Variants in HNF4G observed in about 807,000 individuals in gnomAD.
HNF4G encodes hepatocyte nuclear factor 4 gamma, also known as hepatocyte nuclear factor 4-gamma.
In HNF4G, 21 loss-of-function variants were observed where a neutral mutation model predicts 50.9. That is an observed-to-expected ratio of 0.41 (90% CI 0.29 to 0.59). HNF4G has a LOEUF of 0.59. Among genes scored for constraint, HNF4G ranks in the 20% least tolerant of loss-of-function variants. The pLI, the probability that HNF4G is intolerant of heterozygous loss-of-function variation, is 0.26. For synonymous variants in HNF4G, 198 were observed against 185.6 expected, an observed-to-expected ratio of 1.07 and a Z score of -0.54; for missense variants, 527 against 559.4, an observed-to-expected ratio of 0.94 and a Z score of 0.58.
chr8:75,479,306 C>T (rs894198856), intron 1 of HNF4G, among the ~76,000 whole-genome samples: 1 of 152,154 alleles, frequency 6.6e-6, no homozygotes, highest in African/African-American at 2.4e-5. Flanking sequence ...CATATGGTAC[C>T]AATCAAATCT....
intron 2 of HNF4G, among the ~76,000 whole-genome samples, chr8:75,496,201 A>G (rs185415508): frequency 2.6e-4 from 40 of 152,318 alleles, no homozygotes; most frequent in African/African-American, 8.9e-4. Flanking sequence ...TTCTGCAAGA[A>G]GAGTAAACAA....
At chr8:75,482,706 C>A (rs754584901) in intron 1 of HNF4G, among the ~76,000 whole-genome samples, 1 of 152,008 alleles carries the variant, frequency 6.6e-6, no homozygotes, top group Non-Finnish European at 1.5e-5. Context: ...CTTTCCTGAT[C>A]GCCTTTTGAT....
chr8:75,415,440 A>T (rs562168150), intron 1 of HNF4G, among the ~76,000 whole-genome samples: 2 of 152,292 alleles, frequency 1.3e-5, no homozygotes, highest in Admixed American at 6.5e-5. Context: ...ATGAGGCCTC[A>T]ATATGGAGTA....
chr8:75,459,180 G>T (rs1811788821), intron 1 of HNF4G, among the ~76,000 whole-genome samples: 1 of 152,128 alleles, frequency 6.6e-6, no homozygotes, highest in African/African-American at 2.4e-5. Context: ...CTCTCTACTA[G>T]CTAGGTAAAT....
rs558184273 is a variant in HNF4G, at chr8:75,559,643, T to A, written c.1123+606T>A. On this transcript the variant is annotated intron_variant, in intron 8 of 9. Transcript: ENST00000396423. ...CCTCTGACTTAAATTTTCAGATCCT[T>A]CCAAACATGGCAAAGAGAAACAAAT... is the stretch of plus-strand genomic sequence containing the variant. Among the ~76,000 whole-genome samples the A allele has an allele frequency of 6.1e-4, 93 of 152,218 alleles. 1 individual carries two copies. In the South Asian group the frequency reaches 0.011, roughly 18 times the overall value.
intron 1 of HNF4G, among the ~76,000 whole-genome samples, chr8:75,479,722 C>T (rs2130653573): frequency 6.6e-6 from 1 of 151,516 alleles, no homozygotes; most frequent in South Asian, 2.1e-4. Context: ...ATTTGTTAAA[C>T]TACCATGGAG....
chr8:75,543,046 A>C (rs1344385749), intron 1 of HNF4G, among the ~76,000 whole-genome samples: 1 of 152,058 alleles, frequency 6.6e-6, no homozygotes, highest in African/African-American at 2.4e-5. Flanking sequence ...GTCTCTACTA[A>C]AAATACAAAA....
intron 2 of HNF4G, among the ~76,000 whole-genome samples, chr8:75,526,408 A>G (rs1806181650): frequency 6.6e-6 from 1 of 152,124 alleles, no homozygotes; most frequent in Admixed American, 6.6e-5. Context: ...AGAGTGGTGG[A>G]AATGTTTGAG....
At chr8:75,495,370 A>G (rs1487109866) in intron 2 of HNF4G, 4 of 152,088 alleles carry the variant, frequency 2.6e-5, no homozygotes, top group African/African-American at 7.2e-5. Context: ...ATATTAAAGA[A>G]GACTTTGGAT....
chr8:75,525,361 G>A (rs1456331781), intron 2 of HNF4G, among the ~76,000 whole-genome samples: 1 of 152,112 alleles, frequency 6.6e-6, no homozygotes, highest in South Asian at 2.1e-4. Context: ...GTGGAGATGG[G>A]GTTTCACCGC....
intron 1 of HNF4G, among the ~76,000 whole-genome samples, chr8:75,489,254 C>T (rs934711614): frequency 6.6e-6 from 1 of 152,146 alleles, no homozygotes; most frequent in Non-Finnish European, 1.5e-5. Flanking sequence ...AATGTATTAG[C>T]ATCTTAGTTC....
At chr8:75,532,811 G>C (rs2130769413) in intron 2 of HNF4G, among the ~76,000 whole-genome samples, 1 of 152,104 alleles carries the variant, frequency 6.6e-6, no homozygotes, top group Admixed American at 6.5e-5. Flanking sequence ...ACAGTATCAG[G>C]GCTACACCTC....
chr8:75,479,111 T>G (rs2130652120), intron 1 of HNF4G, among the ~76,000 whole-genome samples: 2 of 152,322 alleles, frequency 1.3e-5, no homozygotes, highest in Middle Eastern at 3.4e-3. Context: ...CAGTATTATT[T>G]CCAAGGGAAC....
intron 2 of HNF4G, among the ~76,000 whole-genome samples, chr8:75,493,039 TCA>T (rs72265336): frequency 0.05 from 7,552 of 151,568 alleles, 255 homozygotes; most frequent in Non-Finnish European, 0.072. Context: ...ATATATACAC[TCA>T]CACACATAAA....
chr8:75,482,788 C>T (rs1812411429), intron 1 of HNF4G, among the ~76,000 whole-genome samples: 1 of 152,114 alleles, frequency 6.6e-6, no homozygotes, highest in Non-Finnish European at 1.5e-5. Context: ...CTTGCTTTTT[C>T]TTTATTAAGA....
intron 1 of HNF4G, among the ~76,000 whole-genome samples, chr8:75,481,951 G>GA: frequency 6.6e-6 from 1 of 152,228 alleles, no homozygotes; most frequent in South Asian, 2.1e-4. Flanking sequence ...TTTGTTCAGG[G>GA]AAATTTTGTG....
intron 1 of HNF4G, among the ~76,000 whole-genome samples, chr8:75,445,578 T>TA (rs1488221567): frequency 2.9e-5 from 2 of 69,736 alleles, no homozygotes; most frequent in African/African-American, 7.4e-5. Flanking sequence ...ATAGACACAA[T>TA]AAAAAATGAT....
intron 1 of HNF4G, among the ~76,000 whole-genome samples, chr8:75,414,287 T>C (rs577139035): frequency 1.3e-5 from 2 of 152,164 alleles, no homozygotes; most frequent in Non-Finnish European, 2.9e-5. Flanking sequence ...TCTTTTTTTT[T>C]AATTTAGCAT....
chr8:75,493,387 T>C (rs1050904531), intron 2 of HNF4G, among the ~76,000 whole-genome samples: 4 of 152,142 alleles, frequency 2.6e-5, no homozygotes, highest in South Asian at 2.1e-4. Flanking sequence ...GAATGAATCA[T>C]TGAGGCAAAA....
Sources: gnomAD v4.1 joint callset for allele counts (sites outside exome capture counted in the v4.1 genomes callset) on GRCh38, gnomAD v4.1.1 for gene constraint, MANE v1.5 for transcripts, NCBI Gene and HGNC (gene_info 2026-07-23, HGNC 2026-07-21) for gene names.